ANO6: variants seen among roughly 807,000 people sequenced by gnomAD.
ANO6 encodes anoctamin 6.
ANO6 carries 106 observed loss-of-function variants against 117.5 expected under a neutral mutation model. That is an observed-to-expected ratio of 0.90 (90% CI 0.77 to 1.06). ANO6 has a LOEUF of 1.06. Ranked by LOEUF, ANO6 falls within the 50% of genes least tolerant of loss-of-function variation. The pLI is 0.00. For missense variants in ANO6, 955 were observed against 1,121.1 expected (o/e 0.85, Z 2.12); for synonymous variants, 367 against 385.1 (o/e 0.95, Z 0.55).
chr12:45,218,422 T>C (rs1000126248), intron 1 of ANO6, among the ~76,000 whole-genome samples: 10 of 133,884 alleles, frequency 7.5e-5, no homozygotes, highest in African/African-American at 3.1e-4. Context: ...TGAGATAGGG[T>C]CTCGCTCTGT....
chr12:45,312,093 A>C (rs1358718593), intron 2 of ANO6, among the ~76,000 whole-genome samples: 1 of 152,086 alleles, frequency 6.6e-6, no homozygotes, highest in Non-Finnish European at 1.5e-5. Flanking sequence ...TCACATTTGA[A>C]ATTCAGCAAG....
intron 13 of ANO6, among the ~76,000 whole-genome samples, chr12:45,402,528 C>G (rs185908153): frequency 1.3e-5 from 2 of 152,284 alleles, no homozygotes; most frequent in East Asian, 3.9e-4. Flanking sequence ...TTAAGTGCTT[C>G]CCACACTGCA....
At chr12:45,252,325 T>C (rs1487297582) in intron 1 of ANO6, among the ~76,000 whole-genome samples, 3 of 152,254 alleles carry the variant, frequency 2.0e-5, no homozygotes, top group Non-Finnish European at 2.9e-5. Context: ...GCTTCTCTCC[T>C]GGAGACTTGT....
chr12:45,288,210 A>G (rs1478760689), intron 1 of ANO6, among the ~76,000 whole-genome samples: 1 of 152,118 alleles, frequency 6.6e-6, no homozygotes, highest in Non-Finnish European at 1.5e-5. Flanking sequence ...TTAAAGCTAC[A>G]CTTTTTTGTG....
At chr12:45,363,347 G>A (rs1321351257) in intron 8 of ANO6, among the ~76,000 whole-genome samples, 3 of 151,998 alleles carry the variant, frequency 2.0e-5, no homozygotes, top group Non-Finnish European at 2.9e-5. Flanking sequence ...GGCAGATCAC[G>A]AGGTCAGGAG....
At chr12:45,355,138 A>T (rs924116285) in intron 7 of ANO6, among the ~76,000 whole-genome samples, 1 of 152,178 alleles carries the variant, frequency 6.6e-6, no homozygotes, top group Non-Finnish European at 1.5e-5. Context: ...GAGCTATTAG[A>T]CTAATGACTG....
At chr12:45,391,968 T>G (rs190484762) in intron 12 of ANO6, among the ~76,000 whole-genome samples, 2 of 152,330 alleles carry the variant, frequency 1.3e-5, no homozygotes, top group Admixed American at 6.5e-5. Context: ...CATTTCCAAC[T>G]GAGGTACCTG....
intron 1 of ANO6, chr12:45,292,618 AGTT>A: frequency 1.8e-6 from 2 of 1,117,214 alleles, no homozygotes; most frequent in Non-Finnish European, 2.2e-6. Flanking sequence ...GTAATGTGAT[AGTT>A]GTTTCCAGCT....
intron 9 of ANO6, among the ~76,000 whole-genome samples, chr12:45,369,505 A>G (rs201449972): frequency 4.9e-5 from 6 of 123,288 alleles, no homozygotes; most frequent in Non-Finnish European, 9.5e-5. Context: ...TTTTGTTTTG[A>G]AAAAAAAAAA....
chr12:45,347,189 C>A, intron 4 of ANO6, 102 bp downstream of exon 4: 1 of 1,089,350 alleles, frequency 9.2e-7, no homozygotes, highest in Non-Finnish European at 1.4e-6. Context: ...CAGCCCTGGC[C>A]ACATCTTAGT....
In ANO6 at chr12:45,429,693, G is replaced by A. The variant is rs1943590083; in HGVS notation, c.*382G>A. ...ATGATCTCCTTTATTTTTAAGCCAT[G>A]TTTCATTTCTTCACTTGGCTAGATC... On this transcript the variant is annotated 3_prime_UTR_variant, in exon 20 of 20. Coordinates refer to ENST00000320560, the MANE Select transcript of ANO6 (RefSeq NM_001025356.3). 1 of 1,112,346 alleles carries A rather than the reference G, an allele frequency of 9.0e-7. No homozygotes were observed. The highest frequency in any genetic ancestry group is 7.2e-5 in the East Asian group (1 of 13,918). 68.9% of individuals were successfully genotyped at this position (1,112,346 alleles called of 1,614,324 possible).
chr12:45,406,423 G>A (rs1008506274), intron 15 of ANO6, among the ~76,000 whole-genome samples: 2 of 152,188 alleles, frequency 1.3e-5, no homozygotes, highest in African/African-American at 2.4e-5. Context: ...TCACTCTGGA[G>A]AAATTTTTAT....
chr12:45,393,656 A>G (rs1398922643), intron 12 of ANO6, among the ~76,000 whole-genome samples: 18 of 152,178 alleles, frequency 1.2e-4, no homozygotes, highest in African/African-American at 4.3e-4. Context: ...CTTGGCAGAA[A>G]CCCTACGAGC....
intron 7 of ANO6, among the ~76,000 whole-genome samples, chr12:45,353,256 C>G (rs1941328950): frequency 6.6e-6 from 1 of 151,946 alleles, no homozygotes; most frequent in East Asian, 1.9e-4. Flanking sequence ...CCTTGTCATT[C>G]ATTTTTATCA....
Position 45,403,542 on chromosome 12 carries a change from T to C in ANO6, c.1880+6T>C, listed in dbSNP as rs763419481. ...ATACAAGAAGTATTATTGCCGTGAG[T>C]GTTAAATTGTATAGCCATGGGTAAA... On this transcript the variant is annotated splice_donor_region_variant and intron_variant, in intron 15 of 19. Transcript: ENST00000320560. The C allele has an allele frequency of 1.2e-6, 2 of 1,603,054 alleles. No homozygotes were observed. The highest frequency in any genetic ancestry group is 2.2e-5 in the East Asian group (1 of 44,784).
chr12:45,287,742 A>G (rs1034827383), intron 1 of ANO6, among the ~76,000 whole-genome samples: 2 of 152,176 alleles, frequency 1.3e-5, no homozygotes, highest in African/African-American at 4.8e-5. Flanking sequence ...TTTGAAGGGA[A>G]GACACAGTGG....
intron 17 of ANO6, among the ~76,000 whole-genome samples, chr12:45,417,374 C>G (rs117628224): frequency 0.018 from 2,807 of 152,266 alleles, 44 homozygotes; most frequent in Non-Finnish European, 0.027. Context: ...ACTTTGTGCA[C>G]TCCTAATTAC....
downstream of ANO6, among the ~76,000 whole-genome samples, chr12:45,433,688 C>T (rs907130806): frequency 1.5e-5 from 2 of 136,370 alleles, no homozygotes; most frequent in Non-Finnish European, 2.9e-5. Context: ...TCTTTGAGCC[C>T]TCGTCACCGT....
At chr12:45,303,764 G>A (rs1939575411) in intron 2 of ANO6, among the ~76,000 whole-genome samples, 1 of 152,166 alleles carries the variant, frequency 6.6e-6, no homozygotes, top group African/African-American at 2.4e-5. Flanking sequence ...GGAACTCCGG[G>A]CTCACAGAAT....
Sources: gnomAD v4.1 joint callset for allele counts (sites outside exome capture counted in the v4.1 genomes callset) on GRCh38, gnomAD v4.1.1 for gene constraint, MANE v1.5 for transcripts, NCBI Gene and HGNC (gene_info 2026-07-23, HGNC 2026-07-21) for gene names.